NSG2: variants seen among roughly 807,000 people sequenced by gnomAD.
NSG2 encodes the protein neuronal vesicle trafficking-associated protein 2.
Under a neutral mutation model 16.9 loss-of-function variants are expected in NSG2, and 4 were observed. The ratio of observed to expected loss-of-function variants is 0.24; its 90% confidence interval spans 0.12 to 0.54. The LOEUF (loss-of-function observed/expected upper bound fraction) is 0.54, where lower values mean the gene tolerates loss of function less well. Among genes scored for constraint, NSG2 ranks in the 20% least tolerant of loss-of-function variants. The pLI, the probability that NSG2 is intolerant of heterozygous loss-of-function variation, is 0.95. For missense variants in NSG2, 179 were observed against 221.1 expected (o/e 0.81, Z 1.21); for synonymous variants, 98 against 88.7 (o/e 1.11, Z -0.59).
chr5:174,107,515 C>G lies in NSG2; in HGVS notation c.*10C>G. 6.2e-7 allele frequency: 1 copy of G among 1,603,360 alleles called. No homozygotes were observed. The highest frequency in any genetic ancestry group is 8.5e-7 in the Non-Finnish European group (1 of 1,173,150). On this transcript the variant is annotated 3_prime_UTR_variant, in exon 5 of 5. Transcript: ENST00000303177. The surrounding 1 kb of genome is among the most constrained non-coding windows in gnomAD (Gnocchi z 4.5). The stretch of plus-strand genomic sequence containing the variant: ...GACCCAGGGCCACTAGAGGCCTGCC[C>G]CAGCCAGAATGGGGGGCGGGGTGGA...
chr5:174,075,621 G>A (rs576885062), intron 3 of NSG2, among the ~76,000 whole-genome samples: 5 of 152,300 alleles, frequency 3.3e-5, no homozygotes, highest in East Asian at 1.9e-4. Flanking sequence ...AAGAGATGCC[G>A]TTTTCCCCAG....
chr5:174,054,458 C>T (rs1759936788), intron 2 of NSG2, among the ~76,000 whole-genome samples: 1 of 152,190 alleles, frequency 6.6e-6, no homozygotes, highest in Non-Finnish European at 1.5e-5. Context: ...ACATAGCTCC[C>T]TGCAGTCGCG....
At chr5:174,080,525 T>C (rs6867842) in intron 3 of NSG2, among the ~76,000 whole-genome samples, 201 of 125,248 alleles carry the variant, frequency 1.6e-3, no homozygotes, top group South Asian at 0.01. Context: ...CTTTCTTTCT[T>C]TCTCTCTCTC....
At chr5:174,046,039 GTTTA>G (rs1759789775) in intron 1 of NSG2, 196 bp downstream of exon 1, 1 of 149,498 alleles carries the variant, frequency 6.7e-6, no homozygotes. Context: ...AATGTGATTT[GTTTA>G]TTTAGTTGGC....
intron 3 of NSG2, among the ~76,000 whole-genome samples, chr5:174,098,634 A>G (rs547183968): frequency 2.4e-4 from 36 of 152,170 alleles, no homozygotes; most frequent in Non-Finnish European, 5.0e-4. Flanking sequence ...TTCAGACCAC[A>G]TTCAGTGCTT....
chr5:174,053,035 G>A (rs572993300), intron 2 of NSG2, among the ~76,000 whole-genome samples: 3 of 152,300 alleles, frequency 2.0e-5, no homozygotes, highest in Admixed American at 6.5e-5. Context: ...CTAATGTATG[G>A]CATGCTTTAA....
intron 3 of NSG2, among the ~76,000 whole-genome samples, chr5:174,078,487 A>G (rs890504059): frequency 2.0e-5 from 3 of 152,188 alleles, no homozygotes; most frequent in South Asian, 4.1e-4. Context: ...ATCTTTCTCA[A>G]TTAGTCCACG....
chr5:174,085,940 C>T (rs1028997358), intron 3 of NSG2, among the ~76,000 whole-genome samples: 16 of 152,240 alleles, frequency 1.1e-4, no homozygotes, highest in Admixed American at 5.2e-4. Context: ...AAGCAATGCA[C>T]GCAAAGCCCA....
intron 3 of NSG2, among the ~76,000 whole-genome samples, chr5:174,066,683 G>T (rs953337724): frequency 6.6e-6 from 1 of 151,858 alleles, no homozygotes; most frequent in African/African-American, 2.4e-5. Flanking sequence ...TTATTTTTAA[G>T]TGTGCTTTTT....
At position 174,064,289 on chromosome 5, in the gene NSG2, C is replaced by T. The variant is rs780061675; in HGVS notation, c.187C>T (p.Arg63Trp). Reference sequence around the variant, plus strand: ...GGAACAGAAGAACAAAGGGAAGTTCCGGGTGCCGAAAATCGCTGAATTTAC... The same window carrying T: ...GGAACAGAAGAACAAAGGGAAGTTCTGGGTGCCGAAAATCGCTGAATTTAC... ...QPEQKNKGKF[R>W]VPKIAEFTVT... The change falls in exon 3 of 5, where the codon CGG becomes TGG. Residue 63 changes from arginine to tryptophan, a missense_variant. Arg to Trp is a moderately radical substitution (Grantham distance 101). Coordinates refer to ENST00000303177, the MANE Select transcript of NSG2 (RefSeq NM_015980.5). 86 of 1,611,000 alleles carry T rather than the reference C, an allele frequency of 5.3e-5. 2 individuals are homozygous for T. The highest frequency in any genetic ancestry group is 4.4e-4 in the South Asian group (40 of 90,528).
intron 2 of NSG2, among the ~76,000 whole-genome samples, chr5:174,053,952 A>T (rs1759930003): frequency 6.6e-6 from 1 of 152,226 alleles, no homozygotes; most frequent in Non-Finnish European, 1.5e-5. Flanking sequence ...ACTGGTAGGA[A>T]GTTACCCTAT....
At chr5:174,083,541 C>T (rs1462427018) in intron 3 of NSG2, among the ~76,000 whole-genome samples, 1 of 152,170 alleles carries the variant, frequency 6.6e-6, no homozygotes, top group South Asian at 2.1e-4. Context: ...CATTTCAAGC[C>T]AAGCTCAGGC....
intron 3 of NSG2, among the ~76,000 whole-genome samples, chr5:174,096,819 G>A (rs529593222): frequency 2.0e-5 from 3 of 152,264 alleles, no homozygotes; most frequent in South Asian, 2.1e-4. Context: ...GGCAGGGGTC[G>A]CTGCAGAGTC....
chr5:174,095,009 A>G lies in NSG2; in HGVS notation c.214-9219A>G, dbSNP rs371964349. 1.1e-3 allele frequency among the ~76,000 whole-genome samples: 161 copies of G among 152,346 alleles called. No individual in the cohort carries two copies. The South Asian group carries it at 0.016, about 15-fold the overall frequency. ...AGTGGTAGATGGATGCACAAAGTGT[A>G]ATGAGAGCAAAACTAGGCAAAGGAA... On this transcript the variant is annotated intron_variant, in intron 3 of 4. Coordinates refer to ENST00000303177, the MANE Select transcript of NSG2 (RefSeq NM_015980.5).
At chr5:174,093,041 G>A (rs544809791) in intron 3 of NSG2, among the ~76,000 whole-genome samples, 322 of 152,256 alleles carry the variant, frequency 2.1e-3, no homozygotes, top group African/African-American at 7.5e-3. Flanking sequence ...GAACTGTAAT[G>A]TTATTGTAGG....
chr5:174,103,999 A>G (rs1760939189), intron 3 of NSG2, among the ~76,000 whole-genome samples: 1 of 151,816 alleles, frequency 6.6e-6, no homozygotes, highest in Non-Finnish European at 1.5e-5. Flanking sequence ...AAACAACAAC[A>G]AAAAAAACCA....
At chr5:174,084,119 TC>T (rs1220422049) in intron 3 of NSG2, 3 of 152,286 alleles carry the variant, frequency 2.0e-5, no homozygotes, top group South Asian at 2.1e-4. Flanking sequence ...CTTATGGCCA[TC>T]CTTTTTCCTT....
rs1014766967 is a variant in NSG2, at chr5:174,072,486, C to G, written c.213+8171C>G. 7.2e-5 allele frequency among the ~76,000 whole-genome samples: 11 copies of G among 152,260 alleles called. No individual in the cohort carries two copies. Among genetic ancestry groups the G allele is most frequent in the African/African-American group, 2.7e-4 (11 of 41,476 alleles). On this transcript the variant is annotated intron_variant, in intron 3 of 4. Coordinates refer to ENST00000303177, the MANE Select transcript of NSG2 (RefSeq NM_015980.5). This position sits in a 1 kb window ranked among gnomAD's most constrained non-coding sequence, Gnocchi z 4.0. ...CTGGGCCTGTGCAGTGTTGCTTGCA[C>G]TGACATGCAAAGCCTGTCCTTTCTC...
chr5:174,100,961 G>A (rs1760888816), intron 3 of NSG2, among the ~76,000 whole-genome samples: 1 of 152,264 alleles, frequency 6.6e-6, no homozygotes, highest in African/African-American at 2.4e-5. Flanking sequence ...GTTTGGGGTT[G>A]CACATGGTCA....
Sources: gnomAD v4.1 joint callset for allele counts (sites outside exome capture counted in the v4.1 genomes callset) on GRCh38, gnomAD v4.1.1 for gene constraint, Gnocchi (gnomAD v3.1) non-coding constraint, MANE v1.5 for transcripts, NCBI Gene and HGNC (gene_info 2026-07-23, HGNC 2026-07-21) for gene names.